Variants in NUP62 observed in about 807,000 individuals in gnomAD.
NUP62 encodes the protein nucleoporin 62.
For synonymous variants in NUP62, 305 were observed against 303.4 expected, an observed-to-expected ratio of 1.01 and a Z score of -0.05; for missense variants, 647 against 689.4, an observed-to-expected ratio of 0.94 and a Z score of 0.69.
rs2075798955 is a variant in NUP62, at chr19:49,922,936, T to TGCCC, written c.-78+4757_-78+4758insGGGC. Among the ~76,000 whole-genome samples the TGCCC allele has an allele frequency of 3.9e-5, 6 of 152,102 alleles. No homozygotes were observed. The East Asian group carries it at 7.7e-4, about 20-fold the overall frequency. On this transcript the variant is annotated intron_variant, in intron 2 of 2. Transcript: ENST00000352066. The stretch of plus-strand genomic sequence containing the variant: ...CCCCTCCACACTGCCCCAAGGTAGT[T>TGCCC]CTATGATTGTGCCCATTTTACTGAT...
chr19:49,924,476 A>T, intron 2 of NUP62, among the ~76,000 whole-genome samples: 1 of 152,162 alleles, frequency 6.6e-6, no homozygotes, highest in Non-Finnish European at 1.5e-5. Context: ...TCAAACAGCC[A>T]GGGCTGATGC....
chr19:49,918,169 T>C (rs555493011), intron 2 of NUP62, among the ~76,000 whole-genome samples: 2 of 151,978 alleles, frequency 1.3e-5, no homozygotes, highest in East Asian at 3.9e-4. Flanking sequence ...TGGGCTCAAA[T>C]GATTCTCCTG....
rs764993698 is a variant in NUP62 at position 49,908,628 on chromosome 19, C to T, written c.1180G>A (p.Asp394Asn). Residue 394 changes from aspartate (D) to asparagine (N), a missense_variant, in exon 3 of 3, where the codon GAC becomes AAC. Physicochemically the swap from Asp to Asn is conservative, Grantham distance 23. Transcript: ENST00000352066. The part of the protein sequence containing the change: ...LDQKRLDQEL[D>N]FILSQQKELE... ...TCCTTCTGCTGGGACAGGATGAAGT[C>T]GAGCTCCTGGTCCAGCCTCTTCTGG... The T allele has an allele frequency of 1.1e-5, 17 of 1,613,462 alleles. No individual in the cohort carries two copies. The South Asian group carries it at 1.5e-4, about 15-fold the overall frequency.
chr19:49,925,095 C>T (rs987721598), intron 2 of NUP62, among the ~76,000 whole-genome samples: 4 of 152,016 alleles, frequency 2.6e-5, no homozygotes, highest in Non-Finnish European at 1.5e-5. Context: ...AACCCCGTCT[C>T]TACTAAAAAT....
At chr19:49,924,049 G>A (rs2075826047) in intron 2 of NUP62, among the ~76,000 whole-genome samples, 1 of 152,234 alleles carries the variant, frequency 6.6e-6, no homozygotes, top group Admixed American at 6.5e-5. Context: ...ATGGCACGGT[G>A]CAGGTGCAGG....
intron 2 of NUP62, among the ~76,000 whole-genome samples, chr19:49,912,073 CAAG>C (rs1338474456): frequency 1.3e-5 from 2 of 152,008 alleles, no homozygotes; most frequent in African/African-American, 4.8e-5. Context: ...CTAAAATTTC[CAAG>C]AAGAGCATTT....
intron 2 of NUP62, among the ~76,000 whole-genome samples, chr19:49,913,853 G>A (rs777345679): frequency 4.6e-5 from 7 of 152,138 alleles, no homozygotes; most frequent in Non-Finnish European, 1.0e-4. Flanking sequence ...CGGTTCGGGC[G>A]TTATATTGAG....
At chr19:49,925,449 CAAA>C (rs56199048) in intron 2 of NUP62, among the ~76,000 whole-genome samples, 2 of 132,846 alleles carry the variant, frequency 1.5e-5, no homozygotes, top group Non-Finnish European at 1.6e-5. Context: ...TAAAAAAAGC[CAAA>C]AAAAAAAAAA....
intron 2 of NUP62, among the ~76,000 whole-genome samples, chr19:49,910,356 C>T (rs1001975641): frequency 2.0e-5 from 3 of 151,992 alleles, no homozygotes; most frequent in South Asian, 2.1e-4. Context: ...GAGATGGGGC[C>T]GGGAACCCAG....
At chr19:49,924,449 C>T (rs1434758794) in intron 2 of NUP62, among the ~76,000 whole-genome samples, 2 of 152,136 alleles carry the variant, frequency 1.3e-5, no homozygotes, top group Non-Finnish European at 2.9e-5. Context: ...AGAGAATCCC[C>T]GAACTCCCCG....
In NUP62 at chr19:49,907,537, C is replaced by CTTT. The variant is rs4009637; in HGVS notation, c.*699_*701dup. 2.5e-3 allele frequency: 824 copies of CTTT among 332,028 alleles called. No homozygotes were observed. Among genetic ancestry groups the CTTT allele is most frequent in the East Asian group, 6.3e-3 (73 of 11,670 alleles). The allele number at this position is 332,028 out of a possible 1,614,324, so 20.6% of individuals were successfully genotyped here. Reference sequence around the variant, plus strand: ...CTAGGCTGCTGTCTCCTGGGAGTTTCTTTTTTTTTTTTTTTTTTTTTGAGA... The same window carrying CTTT: ...CTAGGCTGCTGTCTCCTGGGAGTTTCTTTTTTTTTTTTTTTTTTTTTTTTGAGA... On this transcript the variant is annotated 3_prime_UTR_variant, in exon 3 of 3. Coordinates refer to ENST00000352066, the MANE Select transcript of NUP62 (RefSeq NM_016553.5).
chr19:49,912,166 CTTT>C (rs60350799), intron 2 of NUP62, among the ~76,000 whole-genome samples: 13 of 115,468 alleles, frequency 1.1e-4, no homozygotes, highest in African/African-American at 2.6e-4. Context: ...AACAGTTCAC[CTTT>C]TTTTTTTTTT....
chr19:49,920,229 C>T lies in NUP62; in HGVS notation c.-78+7465G>A, dbSNP rs554782488. Among the ~76,000 whole-genome samples, 9 of 152,272 alleles carry T rather than the reference C, an allele frequency of 5.9e-5. No individual in the cohort carries two copies. The East Asian group carries it at 1.4e-3, about 23-fold the overall frequency. On this transcript the variant is annotated intron_variant, in intron 2 of 2. Transcript: ENST00000352066. Reference sequence around the variant, plus strand: ...TCCCAAGTAGCTGGGACTACAGGCGCGTGCCACCACACCCAGCTAACTTTT... The same window carrying T: ...TCCCAAGTAGCTGGGACTACAGGCGTGTGCCACCACACCCAGCTAACTTTT...
Position 49,908,863 on chromosome 19 carries a change from G to T in NUP62, c.945C>A (p.Gly315=). 1.9e-6 allele frequency: 3 copies of T among 1,611,514 alleles called. No homozygotes were observed. Residue 315 remains glycine, a synonymous_variant, in exon 3 of 3, where the codon GGC becomes GGA. Transcript: ENST00000352066. ...CAGCCGCCCCTGCAGCTGCGCCAGGGCCAGGTGGAGCGGTCACGGCAGCTG... is the reference window on the plus strand; with the variant it reads ...CAGCCGCCCCTGCAGCTGCGCCAGGTCCAGGTGGAGCGGTCACGGCAGCTG... ...NTAAAVTAPP[G]PGAAAGAAAS...
intron 2 of NUP62, among the ~76,000 whole-genome samples, chr19:49,910,382 C>G (rs2075433603): frequency 6.6e-6 from 1 of 152,060 alleles, no homozygotes; most frequent in Admixed American, 6.5e-5. Context: ...ATGGCAGGGT[C>G]TGGGTTGCTG....
chr19:49,909,937 A>C (rs2075420685), intron 2 of NUP62, 53 bp from the exon 3 acceptor site: 1 of 954,918 alleles, frequency 1.0e-6, no homozygotes, highest in African/African-American at 1.6e-5. Context: ...AGGCAAGCTC[A>C]GTGGCATGAC....
intron 2 of NUP62, among the ~76,000 whole-genome samples, chr19:49,924,144 C>T (rs2075828577): frequency 6.6e-6 from 1 of 152,200 alleles, no homozygotes; most frequent in Non-Finnish European, 1.5e-5. Flanking sequence ...GAGACTACAC[C>T]ATGGGCCTCG....
chr19:49,918,074 TTTTC>T (rs766479145), intron 2 of NUP62, among the ~76,000 whole-genome samples: 3,127 of 149,878 alleles, frequency 0.021, 116 homozygotes, highest in East Asian at 0.19. Context: ...CTGCTTTCCT[TTTTC>T]TTTTTTTTTT....
chr19:49,918,895 T>TGGGGGGGGG (rs56129490), intron 2 of NUP62, among the ~76,000 whole-genome samples: 106 of 72,328 alleles, frequency 1.5e-3, no homozygotes, highest in Middle Eastern at 6.7e-3. Flanking sequence ...TTTGGGAGGC[T>TGGGGGGGGG]GGGGGGGGGG....
Sources: gnomAD v4.1 joint callset for allele counts (sites outside exome capture counted in the v4.1 genomes callset) on GRCh38, gnomAD v4.1.1 for gene constraint, MANE v1.5 for transcripts, NCBI Gene and HGNC (gene_info 2026-07-23, HGNC 2026-07-21) for gene names.